UBOX5: variants seen among roughly 807,000 people sequenced by gnomAD.
UBOX5 encodes RING finger protein 37.
In UBOX5, 28 loss-of-function variants were observed where a neutral mutation model predicts 39.0. The ratio of observed to expected loss-of-function variants is 0.72; its 90% CI spans 0.53 to 0.98. The LOEUF is 0.98. UBOX5 is among the 50% of genes least tolerant of loss of function. The probability of loss-of-function intolerance (pLI) is 0.00; values close to 1 mark genes in which losing one functional copy is unlikely to be tolerated. For missense variants in UBOX5, 585 were observed against 674.4 expected (o/e 0.87, Z 1.47); for synonymous variants, 283 against 275.5 (o/e 1.03, Z -0.27).
At chr20:3,142,465 G>A (rs895265606) in intron 1 of UBOX5, among the ~76,000 whole-genome samples, 7 of 151,978 alleles carry the variant, frequency 4.6e-5, no homozygotes, top group African/African-American at 7.2e-5. Flanking sequence ...TCACCCAGGC[G>A]TAGTGGTGGG....
chr20:3,114,576 G>A (rs949927890), intron 4 of UBOX5, among the ~76,000 whole-genome samples: 1 of 152,072 alleles, frequency 6.6e-6, no homozygotes, highest in Admixed American at 6.6e-5. Flanking sequence ...GGATGAGGAC[G>A]ACAAACCCAA....
chr20:3,110,014 G>A lies in UBOX5; in HGVS notation c.*92C>T. 1 of 1,489,654 alleles carries A rather than the reference G, an allele frequency of 6.7e-7. No individual in the cohort carries two copies. The highest frequency in any genetic ancestry group is 1.7e-5 in the Admixed American group (1 of 57,494). The allele number at this position is 1,489,654 out of a possible 1,614,324, so 92.3% of individuals were successfully genotyped here. A position where few individuals can be genotyped will look rare whatever the true frequency, so the allele number is the denominator to read the frequency against. On this transcript the variant is annotated 3_prime_UTR_variant, in exon 5 of 5. Coordinates refer to ENST00000217173, the MANE Select transcript of UBOX5 (RefSeq NM_014948.4). ...AGGGAGCAGGCAGCTCTGTGCCTGG[G>A]GCCTGGCCAGACCTCAGGGGTGCTG...
At position 3,149,177 on chromosome 20, in the gene UBOX5, G is replaced by C; in HGVS notation, c.-42+10589C>G. ...CTTGATTAGAGCTGGACGGGGAGGT[G>C]TTCCACAAAAACTGCCTGGAAATCT... On this transcript the variant is annotated intron_variant, in intron 1 of 4. Coordinates refer to ENST00000217173, the MANE Select transcript of UBOX5 (RefSeq NM_014948.4). This position sits in a 1 kb window ranked among gnomAD's most constrained non-coding sequence, Gnocchi z 4.1. 6.2e-6 allele frequency: 8 copies of C among 1,288,604 alleles called. No individual in the cohort carries two copies. Among genetic ancestry groups the C allele is most frequent in the Non-Finnish European group, 8.5e-6 (8 of 942,266 alleles). The allele number at this position is 1,288,604 out of a possible 1,614,324, so 79.8% of individuals were successfully genotyped here. A position where few individuals can be genotyped will look rare whatever the true frequency, so the allele number is the denominator to read the frequency against.
chr20:3,150,076 T>C (rs900981542), intron 1 of UBOX5, among the ~76,000 whole-genome samples: 3 of 152,050 alleles, frequency 2.0e-5, no homozygotes, highest in Admixed American at 2.0e-4. Flanking sequence ...CCTGTTCTTA[T>C]AGCGCAAAAC....
chr20:3,155,905 T>C (rs1380001725), intron 1 of UBOX5, among the ~76,000 whole-genome samples: 1 of 152,230 alleles, frequency 6.6e-6, no homozygotes, highest in Non-Finnish European at 1.5e-5. Flanking sequence ...CTATAGAAAC[T>C]GTATCTACAT....
At chr20:3,154,507 C>T (rs974615617) in intron 1 of UBOX5, among the ~76,000 whole-genome samples, 11 of 152,068 alleles carry the variant, frequency 7.2e-5, no homozygotes, top group Middle Eastern at 3.4e-3. Context: ...TGTAGTGAGA[C>T]CCCCACCTCT....
At chr20:3,140,014 CTTTTTTTT>C (rs138435815) in intron 1 of UBOX5, among the ~76,000 whole-genome samples, 11,367 of 78,636 alleles carry the variant, frequency 0.14, 1,290 homozygotes, top group African/African-American at 0.37. Flanking sequence ...GGCCTTTTTA[CTTTTTTTT>C]TTTTTTTTTT....
Position 3,149,529 on chromosome 20 carries a change from G to A in UBOX5, c.-42+10237C>T, listed in dbSNP as rs2145222. Among the ~76,000 whole-genome samples the A allele has an allele frequency of 0.76, 115,689 of 152,100 alleles. 45,282 individuals carry two copies. The highest frequency in any genetic ancestry group is 0.99 in the East Asian group (5,128 of 5,168). Reference sequence around the variant, plus strand: ...TTCACTGTACAAGGCAAGCAGTGACGGCTAAAGAAGAGACGGTGCTCCGCT... The same window carrying A: ...TTCACTGTACAAGGCAAGCAGTGACAGCTAAAGAAGAGACGGTGCTCCGCT... On this transcript the variant is annotated intron_variant, in intron 1 of 4. Coordinates refer to ENST00000217173, the MANE Select transcript of UBOX5 (RefSeq NM_014948.4). This position sits in a 1 kb window ranked among gnomAD's most constrained non-coding sequence, Gnocchi z 4.1.
intron 1 of UBOX5, among the ~76,000 whole-genome samples, chr20:3,135,481 G>T (rs938310427): frequency 1.3e-5 from 2 of 152,112 alleles, no homozygotes; most frequent in African/African-American, 4.8e-5. Flanking sequence ...AGCTGGGAAG[G>T]CAAACGGAGC....
chr20:3,133,165 C>T (rs1054727282), intron 1 of UBOX5, among the ~76,000 whole-genome samples: 15 of 152,014 alleles, frequency 9.9e-5, no homozygotes, highest in African/African-American at 2.9e-4. Context: ...AGTAGGATTC[C>T]GTAAGAACCT....
At position 3,110,225 on chromosome 20, in the gene UBOX5, G is replaced by A. The variant is rs1377731587; in HGVS notation, c.1507C>T (p.Pro503Ser). 6.2e-7 allele frequency: 1 copy of A among 1,613,962 alleles called. No homozygotes were observed. Among genetic ancestry groups the A allele is most frequent in the Non-Finnish European group, 8.5e-7 (1 of 1,180,030 alleles). ...YFKKEPVYQL[P>S]CGHLLCRPCL... ...GGTCGGCACAGGAGGTGGCCGCAGG[G>A]CAGCTGGTACACCGGCTCCTTTTTG... The change falls in exon 5 of 5, where the codon CCC becomes TCC. Residue 503 changes from proline (P) to serine (S), a missense_variant. Pro to Ser is a moderately conservative substitution (Grantham distance 74). Transcript: ENST00000217173.
At chr20:3,115,496 C>T (rs2066287049) in intron 3 of UBOX5, 30 bp from the exon 4 acceptor site, 1 of 1,577,822 alleles carries the variant, frequency 6.3e-7, no homozygotes, top group African/African-American at 1.4e-5. Flanking sequence ...GCACAACATC[C>T]AGAGACAGGC....
At chr20:3,129,517 T>A (rs915434328) in intron 1 of UBOX5, among the ~76,000 whole-genome samples, 1 of 152,066 alleles carries the variant, frequency 6.6e-6, no homozygotes, top group Admixed American at 6.6e-5. Flanking sequence ...CACCGGCCTA[T>A]CCTCATGTTC....
chr20:3,127,473 T>C (rs1421281612), intron 1 of UBOX5, among the ~76,000 whole-genome samples: 1 of 152,218 alleles, frequency 6.6e-6, no homozygotes, highest in Non-Finnish European at 1.5e-5. Flanking sequence ...ATGGTTTTCA[T>C]ATATGCTAAA....
intron 1 of UBOX5, among the ~76,000 whole-genome samples, chr20:3,142,238 G>C (rs1268013968): frequency 1.3e-5 from 2 of 151,690 alleles, no homozygotes; most frequent in Non-Finnish European, 2.9e-5. Context: ...AAGGTGGGCA[G>C]ATCACTTGAG....
At chr20:3,148,516 G>C (rs755628500) in intron 1 of UBOX5, 3 of 1,614,128 alleles carry the variant, frequency 1.9e-6, no homozygotes, top group South Asian at 1.1e-5. Context: ...GAGCAAAGCT[G>C]GTACTGCCCA....
chr20:3,127,380 T>C (rs2066399280), intron 1 of UBOX5, among the ~76,000 whole-genome samples: 1 of 152,228 alleles, frequency 6.6e-6, no homozygotes, highest in African/African-American at 2.4e-5. Context: ...ACAGTGAAGA[T>C]CTGTCATGGG....
chr20:3,156,136 G>A lies in UBOX5; in HGVS notation c.-42+3630C>T, dbSNP rs148633781. ...AAAATCCATAGGAAAGCTGGAAAGA[G>A]AACACTATGAGATGCTCAGTCAATT... is the stretch of plus-strand genomic sequence containing the variant. On this transcript the variant is annotated intron_variant, in intron 1 of 4. Coordinates refer to ENST00000217173, the MANE Select transcript of UBOX5 (RefSeq NM_014948.4). Among the ~76,000 whole-genome samples the A allele has an allele frequency of 3.6e-3, 538 of 150,166 alleles. 2 individuals carry two copies. The highest frequency in any genetic ancestry group is 6.0e-3 in the Admixed American group (90 of 15,052).
intron 2 of UBOX5, 103 bp from the exon 3 acceptor site, chr20:3,122,687 CT>C: frequency 7.1e-7 from 1 of 1,413,146 alleles, no homozygotes; most frequent in Admixed American, 2.7e-5. Flanking sequence ...AAAATTTCCT[CT>C]ATTAAACTGA....
Sources: gnomAD v4.1 joint callset for allele counts (sites outside exome capture counted in the v4.1 genomes callset) on GRCh38, gnomAD v4.1.1 for gene constraint, Gnocchi (gnomAD v3.1) non-coding constraint, MANE v1.5 for transcripts, NCBI Gene and HGNC (gene_info 2026-07-23, HGNC 2026-07-21) for gene names.